Variants in MACROD2 observed in about 807,000 individuals in gnomAD.
The protein encoded by MACROD2 is mono-ADP ribosylhydrolase 2.
In MACROD2, 36 loss-of-function variants were observed where a neutral mutation model predicts 70.4. That is an observed-to-expected ratio of 0.51 (90% CI 0.39 to 0.68). The LOEUF (loss-of-function observed/expected upper bound fraction) is 0.68. MACROD2 is among the 30% of genes least tolerant of loss of function. The pLI, the probability that MACROD2 is intolerant of heterozygous loss-of-function variation, is 0.00. For synonymous variants in MACROD2, 172 were observed against 178.8 expected, an observed-to-expected ratio of 0.96 and a Z score of 0.30; for missense variants, 496 against 538.4, an observed-to-expected ratio of 0.92 and a Z score of 0.78.
chr20:15,294,860 A>G (rs2077572124), intron 6 of MACROD2, among the ~76,000 whole-genome samples: 1 of 152,242 alleles, frequency 6.6e-6, no homozygotes, highest in South Asian at 2.1e-4. Context: ...GAAACAAAAC[A>G]AAACAAAAAC....
intron 8 of MACROD2, among the ~76,000 whole-genome samples, chr20:15,521,316 A>C (rs1461124214): frequency 6.6e-6 from 1 of 152,206 alleles, no homozygotes; most frequent in Non-Finnish European, 1.5e-5. Context: ...GAGATGTAGA[A>C]TTAGGAACTG....
intron 8 of MACROD2, among the ~76,000 whole-genome samples, chr20:15,716,537 T>C (rs2050710201): frequency 6.6e-6 from 1 of 152,228 alleles, no homozygotes; most frequent in African/African-American, 2.4e-5. Flanking sequence ...CCTTTTGTAC[T>C]CAACACTGAG....
At position 14,312,459 on chromosome 20, in the gene MACROD2, T is replaced by C. The variant is rs532607485; in HGVS notation, c.272-181020T>C. ...AATTTTAGCTTCTATGAGACTTCAG[T>C]TGAGGTAATATAAAAATTATTTTTT... is the stretch of plus-strand genomic sequence containing the variant. On this transcript the variant is annotated intron_variant, in intron 3 of 17. Transcript: ENST00000684519. Among the ~76,000 whole-genome samples, 15 of 152,342 alleles carry C rather than the reference T, an allele frequency of 9.8e-5. No individual in the cohort carries two copies. The South Asian group carries it at 3.1e-3, about 32-fold the overall frequency.
chr20:14,974,940 C>A (rs1188710747), intron 5 of MACROD2, among the ~76,000 whole-genome samples: 1 of 152,076 alleles, frequency 6.6e-6, no homozygotes, highest in Non-Finnish European at 1.5e-5. Flanking sequence ...ACAAGCTAGA[C>A]CCTTGGATAA....
chr20:15,280,240 G>C (rs139861837), intron 6 of MACROD2, among the ~76,000 whole-genome samples: 6 of 152,194 alleles, frequency 3.9e-5, no homozygotes, highest in African/African-American at 1.2e-4. Flanking sequence ...TCAGCACTGC[G>C]TGGTACAGCA....
chr20:14,287,061 T>C (rs1192637208), intron 3 of MACROD2, among the ~76,000 whole-genome samples: 2 of 152,202 alleles, frequency 1.3e-5, no homozygotes, highest in Non-Finnish European at 2.9e-5. Context: ...CTGTTTTCTG[T>C]AGGCTTGCCT....
At chr20:15,163,534 A>T (rs1247994748) in intron 5 of MACROD2, among the ~76,000 whole-genome samples, 1 of 152,112 alleles carries the variant, frequency 6.6e-6, no homozygotes, top group Admixed American at 6.5e-5. Flanking sequence ...TTACATAAGT[A>T]TAGAAACCTG....
chr20:15,225,051 T>C (rs2076893949), intron 5 of MACROD2, among the ~76,000 whole-genome samples: 1 of 151,970 alleles, frequency 6.6e-6, no homozygotes, highest in African/African-American at 2.4e-5. Context: ...ATTAAAATTA[T>C]AGTAAAACTT....
intron 10 of MACROD2, among the ~76,000 whole-genome samples, chr20:15,901,860 C>A (rs1365096459): frequency 6.6e-6 from 1 of 152,164 alleles, no homozygotes; most frequent in African/African-American, 2.4e-5. Context: ...TTGTTTGGTC[C>A]TCATGGTCCC....
chr20:15,373,710 G>A (rs1426475865), intron 6 of MACROD2, among the ~76,000 whole-genome samples: 1 of 151,918 alleles, frequency 6.6e-6, no homozygotes, highest in Non-Finnish European at 1.5e-5. Flanking sequence ...GCTTTTTTTG[G>A]GCACTTTTCA....
At chr20:14,192,462 A>G (rs962295807) in intron 3 of MACROD2, among the ~76,000 whole-genome samples, 2 of 152,180 alleles carry the variant, frequency 1.3e-5, no homozygotes, top group African/African-American at 4.8e-5. Flanking sequence ...ATCTTAGGAT[A>G]TATTAGCAAG....
chr20:14,653,876 C>G (rs1391634183), intron 4 of MACROD2, among the ~76,000 whole-genome samples: 1 of 152,122 alleles, frequency 6.6e-6, no homozygotes, highest in Non-Finnish European at 1.5e-5. Context: ...ATGTTTTACA[C>G]GTTTTCCAGA....
intron 6 of MACROD2, among the ~76,000 whole-genome samples, chr20:15,301,121 C>T (rs1191688426): frequency 6.6e-6 from 1 of 152,204 alleles, no homozygotes; most frequent in Non-Finnish European, 1.5e-5. Context: ...AGTCAGTGAC[C>T]ATTCGCCTGC....
intron 8 of MACROD2, among the ~76,000 whole-genome samples, chr20:15,634,012 C>T (rs457903): frequency 0.024 from 3,608 of 152,264 alleles, 115 homozygotes; most frequent in East Asian, 0.15. Context: ...GAACACATAT[C>T]CTTCATCTTT....
intron 8 of MACROD2, among the ~76,000 whole-genome samples, chr20:15,523,664 T>A (rs1483469927): frequency 6.6e-6 from 1 of 152,184 alleles, no homozygotes; most frequent in Non-Finnish European, 1.5e-5. Flanking sequence ...GACTGATCAT[T>A]TAACATATAC....
rs11469437 is a variant in MACROD2, at chr20:14,138,763, C to CCACACACA, written c.271+53071_271+53078dup. Among the ~76,000 whole-genome samples, 863 of 147,122 alleles carry CCACACACA rather than the reference C, an allele frequency of 5.9e-3. 3 individuals are homozygous for CCACACACA. Among genetic ancestry groups the CCACACACA allele is most frequent in the Non-Finnish European group, 9.2e-3 (617 of 66,882 alleles). On this transcript the variant is annotated intron_variant, in intron 3 of 17. Transcript: ENST00000684519. The stretch of plus-strand genomic sequence containing the variant: ...GCTAAGAGAATAGATCTTAAGTTTT[C>CCACACACA]CACACACACACACACACACACACAC...
intron 8 of MACROD2, among the ~76,000 whole-genome samples, chr20:15,689,102 G>C (rs537002136): frequency 5.9e-5 from 9 of 152,290 alleles, no homozygotes; most frequent in Admixed American, 4.6e-4. Flanking sequence ...TCAGGAGTTC[G>C]AGACCAGCCT....
chr20:15,336,150 T>A (rs544824814), intron 6 of MACROD2, among the ~76,000 whole-genome samples: 2 of 151,828 alleles, frequency 1.3e-5, no homozygotes, highest in East Asian at 3.9e-4. Flanking sequence ...ATCGTGTTAG[T>A]AAAATTAAAT....
In MACROD2 at chr20:15,579,345, A is replaced by C. The variant is rs1343092099; in HGVS notation, c.645+79498A>C. Among the ~76,000 whole-genome samples the C allele has an allele frequency of 3.3e-5, 5 of 152,240 alleles. No individual in the cohort carries two copies. The East Asian group carries it at 9.6e-4, about 29-fold the overall frequency. On this transcript the variant is annotated intron_variant, in intron 8 of 17. Coordinates refer to ENST00000684519, the MANE Select transcript of MACROD2 (RefSeq NM_001351661.2). The stretch of plus-strand genomic sequence containing the variant: ...ATAATACCTCCAAGAAGCAACAATC[A>C]ATTCATGACCTTTTTTTGGGTAGTG...
Sources: allele counts gnomAD v4.1 joint callset (sites outside exome capture counted in the v4.1 genomes callset), GRCh38; gene constraint gnomAD v4.1.1; transcripts MANE v1.5; gene names NCBI Gene and HGNC (gene_info 2026-07-23, HGNC 2026-07-21).